ZNF407: variants seen among roughly 807,000 people sequenced by gnomAD.
The protein encoded by ZNF407 is zinc finger protein 407.
Under a neutral mutation model 131.2 loss-of-function variants are expected in ZNF407, and 17 were observed. The ratio of observed to expected loss-of-function variants is 0.13; its 90% CI spans 0.09 to 0.19. ZNF407 has a LOEUF of 0.19. Among genes scored for constraint, ZNF407 ranks in the 10% least tolerant of loss-of-function variants. The probability of loss-of-function intolerance (pLI) is 1.00; values close to 1 mark genes in which losing one functional copy is unlikely to be tolerated. For synonymous variants in ZNF407, 1,156 were observed against 1,062.0 expected, an observed-to-expected ratio of 1.09 and a Z score of -1.72; for missense variants, 2,681 against 2,830.6, an observed-to-expected ratio of 0.95 and a Z score of 1.20.
chr18:74,818,255 C>T (rs1033236851), intron 4 of ZNF407, among the ~76,000 whole-genome samples: 7 of 152,160 alleles, frequency 4.6e-5, no homozygotes, highest in African/African-American at 1.2e-4. Flanking sequence ...CATTCTCTCT[C>T]GAGCATAGCG....
intron 3 of ZNF407, among the ~76,000 whole-genome samples, chr18:74,667,084 T>C (rs1985959680): frequency 6.6e-6 from 1 of 152,204 alleles, no homozygotes; most frequent in Non-Finnish European, 1.5e-5. Flanking sequence ...CACTTGATGA[T>C]CTGTTGGTGC....
Position 74,788,820 on chromosome 18 carries a change from C to G in ZNF407, c.4877+7318C>G, listed in dbSNP as rs761449640. On this transcript the variant is annotated intron_variant, in intron 4 of 8. Transcript: ENST00000299687. ...TATTTATAAAATAAATATAAAATAT[C>G]AATAAAATAAATATTTTATTAATAA... Among the ~76,000 whole-genome samples, 5 of 148,790 alleles carry G rather than the reference C, an allele frequency of 3.4e-5. No homozygotes were observed. In the South Asian group the frequency reaches 6.3e-4, roughly 19 times the overall value.
rs757110203 is a variant in ZNF407 at position 75,053,401 on chromosome 18, G to C, written c.5429-9749G>C. Among the ~76,000 whole-genome samples, 6 of 152,310 alleles carry C rather than the reference G, an allele frequency of 3.9e-5. No individual in the cohort carries two copies. The East Asian group carries it at 1.2e-3, about 29-fold the overall frequency. ...AAAAGCTAGGTCAGGTGTGTGGAGG[G>C]AAACCACGGATACTGCCTCACCAAG... is the stretch of plus-strand genomic sequence containing the variant. On this transcript the variant is annotated intron_variant, in intron 8 of 8. Transcript: ENST00000299687.
intron 3 of ZNF407, among the ~76,000 whole-genome samples, chr18:74,694,194 T>C (rs1967297462): frequency 6.6e-6 from 1 of 152,116 alleles, no homozygotes; most frequent in South Asian, 2.1e-4. Flanking sequence ...CACTTGAGAA[T>C]TTTCTTGATC....
intron 7 of ZNF407, among the ~76,000 whole-genome samples, chr18:74,900,841 A>G (rs77900774): frequency 0.02 from 3,047 of 152,360 alleles, 164 homozygotes; most frequent in East Asian, 0.19. Flanking sequence ...AGCATGAACT[A>G]AATTATATAT....
intron 4 of ZNF407, among the ~76,000 whole-genome samples, chr18:74,833,893 C>T (rs1488404982): frequency 6.6e-6 from 1 of 152,032 alleles, no homozygotes; most frequent in Non-Finnish European, 1.5e-5. Context: ...GGTAGGATCT[C>T]ATATTCCTTT....
chr18:74,937,218 AT>A (rs1257812901), intron 8 of ZNF407, among the ~76,000 whole-genome samples: 1 of 152,330 alleles, frequency 6.6e-6, no homozygotes, highest in Middle Eastern at 3.4e-3. Context: ...AGTCAATTCC[AT>A]TTTATTCTAG....
chr18:74,992,214 C>T (rs1972726862), intron 8 of ZNF407, among the ~76,000 whole-genome samples: 1 of 152,168 alleles, frequency 6.6e-6, no homozygotes, highest in African/African-American at 2.4e-5. Flanking sequence ...AAGAGACAGA[C>T]ACTGAACAAA....
intron 4 of ZNF407, among the ~76,000 whole-genome samples, chr18:74,782,854 C>T (rs942917002): frequency 1.3e-5 from 2 of 152,140 alleles, no homozygotes; most frequent in Admixed American, 6.5e-5. Flanking sequence ...CTCCTAATCT[C>T]GTGATCCCAA....
chr18:74,610,641 C>G (rs930628195), intron 1 of ZNF407, among the ~76,000 whole-genome samples: 2 of 152,122 alleles, frequency 1.3e-5, no homozygotes, highest in African/African-American at 4.8e-5. Flanking sequence ...CCTCCGCCTC[C>G]CTGGCCCAAA....
In ZNF407 at chr18:74,633,747, G is replaced by C; in HGVS notation, c.2728G>C (p.Glu910Gln). 6.2e-7 allele frequency: 1 copy of C among 1,613,980 alleles called. No individual in the cohort carries two copies. The highest frequency in any genetic ancestry group is 8.5e-7 in the Non-Finnish European group (1 of 1,179,896). Residue 910 changes from glutamate (E) to glutamine (Q), a missense_variant, in exon 2 of 9, where the codon GAA becomes CAA. This residue lies in a region of ZNF407 where 1,789 missense variants were observed against 1,748.7 expected (regional missense o/e 1.02). Coordinates refer to ENST00000299687, the MANE Select transcript of ZNF407 (RefSeq NM_017757.3). ...TKKHKGRVEI[E>Q]ASGKHSSDII... The stretch of plus-strand genomic sequence containing the variant: ...GAAACATAAAGGACGGGTAGAAATA[G>C]AAGCAAGTGGAAAACACAGTTCAGA...
chr18:74,846,020 A>G (rs550832502), intron 4 of ZNF407, among the ~76,000 whole-genome samples: 33 of 152,320 alleles, frequency 2.2e-4, no homozygotes, highest in African/African-American at 7.0e-4. Flanking sequence ...GAGTAAATCT[A>G]TATCAACTTG....
chr18:74,621,785 A>G lies in ZNF407; in HGVS notation c.-53-9182A>G, dbSNP rs146416547. Among the ~76,000 whole-genome samples the G allele has an allele frequency of 2.2e-4, 34 of 152,330 alleles. No homozygotes were observed. The East Asian group carries it at 6.6e-3, about 29-fold the overall frequency. ...TTTAAAGGGAATGTCAAAAGAACTC[A>G]TTTAAACCACCGAAGGCATTTTCCT... On this transcript the variant is annotated intron_variant, in intron 1 of 8. Transcript: ENST00000299687.
At chr18:74,847,337 C>G (rs77839377) in intron 4 of ZNF407, among the ~76,000 whole-genome samples, 3,059 of 152,224 alleles carry the variant, frequency 0.02, 158 homozygotes, top group East Asian at 0.17. Context: ...ATCAACCACT[C>G]CATGTTTTTC....
intron 7 of ZNF407, among the ~76,000 whole-genome samples, chr18:74,895,625 T>C (rs1422068813): frequency 1.3e-5 from 2 of 152,214 alleles, no homozygotes; most frequent in African/African-American, 4.8e-5. Context: ...CATATATTTA[T>C]CTAAAATATC....
intron 1 of ZNF407, among the ~76,000 whole-genome samples, chr18:74,627,837 C>T (rs1190625421): frequency 7.7e-6 from 1 of 129,614 alleles, no homozygotes; most frequent in Non-Finnish European, 1.7e-5. Flanking sequence ...CCCTGCCCCG[C>T]CCCACCCCGC....
At chr18:74,880,953 A>G (rs1401520970) in intron 5 of ZNF407, 83 bp from the exon 6 acceptor site, 28 of 1,144,800 alleles carry the variant, frequency 2.4e-5, no homozygotes, top group Non-Finnish European at 3.4e-5. Flanking sequence ...GATTGGAGGA[A>G]TTAGTAACCC....
Position 75,063,037 on chromosome 18 carries a change from A to AT in ZNF407, c.5429-112dup. On this transcript the variant is annotated intron_variant, in intron 8 of 8. Coordinates refer to ENST00000299687, the MANE Select transcript of ZNF407 (RefSeq NM_017757.3). The surrounding 1 kb of genome is among the most constrained non-coding windows in gnomAD (Gnocchi z 6.6). ...TGTAGAGAGCTCTTCAGGGTTTGGA[A>AT]TAGGGGGTCGTGGTGACTCTGCTGA... The AT allele has an allele frequency of 2.0e-6, 2 of 986,662 alleles. No homozygotes were observed. The highest frequency in any genetic ancestry group is 2.6e-5 in the Admixed American group (1 of 38,758). The allele number at this position is 986,662 out of a possible 1,614,324, so 61.1% of individuals were successfully genotyped here.
chr18:74,888,517 G>T (rs1177199924), intron 6 of ZNF407, among the ~76,000 whole-genome samples: 1 of 151,964 alleles, frequency 6.6e-6, no homozygotes, highest in African/African-American at 2.4e-5. Context: ...TCTCAATTCA[G>T]AGGCTAAATT....
Sources: gnomAD v4.1 joint callset for allele counts (sites outside exome capture counted in the v4.1 genomes callset) on GRCh38, gnomAD v4.1.1 for gene constraint, gnomAD v4.1.1 regional missense constraint, Gnocchi (gnomAD v3.1) non-coding constraint, MANE v1.5 for transcripts, NCBI Gene and HGNC (gene_info 2026-07-23, HGNC 2026-07-21) for gene names.